Variants in PHF3 observed in about 807,000 individuals in gnomAD.
PHF3 encodes PHD finger protein 3.
Under a neutral mutation model 178.4 loss-of-function variants are expected in PHF3, and 41 were observed. The ratio of observed to expected loss-of-function variants is 0.23; its 90% CI spans 0.18 to 0.30. PHF3 has a LOEUF of 0.30. Among genes scored for constraint, PHF3 ranks in the 10% least tolerant of loss-of-function variants. The pLI, the probability that PHF3 is intolerant of heterozygous loss-of-function variation, is 1.00. For missense variants in PHF3, 2,346 were observed against 2,398.1 expected (o/e 0.98, Z 0.45); for synonymous variants, 842 against 800.5 (o/e 1.05, Z -0.88).
chr6:63,655,994 A>G (rs574795507), intron 2 of PHF3, among the ~76,000 whole-genome samples: 6 of 152,174 alleles, frequency 3.9e-5, no homozygotes, highest in Non-Finnish European at 8.8e-5. Flanking sequence ...ATATTTTTCC[A>G]TAGTCATTGC....
chr6:63,636,310 T>C (rs974125240), intron 1 of PHF3, among the ~76,000 whole-genome samples, 160 bp downstream of exon 1: 10 of 152,124 alleles, frequency 6.6e-5, no homozygotes, highest in African/African-American at 2.4e-4. Flanking sequence ...TCGGGCCTCT[T>C]GCGCAACGTC....
chr6:63,688,100 C>T (rs1438838032), intron 4 of PHF3, among the ~76,000 whole-genome samples: 5 of 149,010 alleles, frequency 3.4e-5, no homozygotes, highest in East Asian at 2.0e-4. Flanking sequence ...AGGGGAATGG[C>T]GCGTGAACCC....
At chr6:63,707,007 A>G in intron 13 of PHF3, 131 bp downstream of exon 13, 1 of 758,826 alleles carries the variant, frequency 1.3e-6, no homozygotes, top group South Asian at 2.0e-5. Context: ...AGTCCAAGTA[A>G]TATAATTATG....
intron 4 of PHF3, among the ~76,000 whole-genome samples, chr6:63,690,903 C>G (rs1224777966): frequency 1.3e-5 from 2 of 152,032 alleles, no homozygotes; most frequent in Admixed American, 1.3e-4. Flanking sequence ...CGTTTCACAT[C>G]CCTGGACTTT....
intron 2 of PHF3, among the ~76,000 whole-genome samples, chr6:63,655,787 G>T (rs1765207397): frequency 6.6e-6 from 1 of 152,048 alleles, no homozygotes; most frequent in Non-Finnish European, 1.5e-5. Context: ...ATAGACTGCT[G>T]TTCTATGTAG....
Position 63,685,225 on chromosome 6 carries a change from G to T in PHF3, c.1503G>T (p.Met501Ile). Residue 501 changes from methionine to isoleucine, a missense_variant, in exon 4 of 16, where the codon ATG becomes ATT. Coordinates refer to ENST00000262043, the MANE Select transcript of PHF3 (RefSeq NM_001370348.2). ...TKPVIHSKQN[M>I]TTDAPKKIVA... ...CTGTAATTCATTCTAAGCAAAACAT[G>T]ACCACAGATGCTCCGAAGAAAATTG... 1.2e-6 allele frequency: 2 copies of T among 1,613,796 alleles called. No individual in the cohort carries two copies. Among genetic ancestry groups the T allele is most frequent in the South Asian group, 2.2e-5 (2 of 91,022 alleles).
At chr6:63,696,062 C>G (rs1230167681) in intron 6 of PHF3, among the ~76,000 whole-genome samples, 1 of 152,158 alleles carries the variant, frequency 6.6e-6, no homozygotes, top group East Asian at 1.9e-4. Flanking sequence ...AACTTGAATG[C>G]TGGCATGATG....
intron 2 of PHF3, among the ~76,000 whole-genome samples, chr6:63,656,145 C>T (rs952986430): frequency 3.9e-5 from 6 of 152,316 alleles, no homozygotes; most frequent in African/African-American, 1.2e-4. Flanking sequence ...CGGAGCTTTC[C>T]AGTTGAAGTC....
intron 2 of PHF3, among the ~76,000 whole-genome samples, chr6:63,648,770 G>T (rs913859144): frequency 7.9e-5 from 12 of 151,990 alleles, no homozygotes; most frequent in Non-Finnish European, 1.8e-4. Context: ...TTAAAATTTG[G>T]TTACTAGAAT....
At position 63,718,454 on chromosome 6, in the gene PHF3, GATA is replaced by G. The variant is rs1222956339; in HGVS notation, c.*4749_*4751del. Among the ~76,000 whole-genome samples, 1 of 151,888 alleles carries G rather than the reference GATA, an allele frequency of 6.6e-6. No homozygotes were observed. The highest frequency in any genetic ancestry group is 1.5e-5 in the Non-Finnish European group (1 of 67,904). ...ATAAACGTTAAAAATATTTGTTAAT[GATA>G]ATCTCATCTGTTAATGTAACATTTA... On this transcript the variant is annotated 3_prime_UTR_variant, in exon 16 of 16. Transcript: ENST00000262043.
chr6:63,710,939 C>T (rs1021154196), intron 14 of PHF3, among the ~76,000 whole-genome samples: 6 of 152,056 alleles, frequency 3.9e-5, no homozygotes, highest in Non-Finnish European at 8.8e-5. Context: ...CTTATGTTTC[C>T]GTAAGAAATG....
rs1036027006 is a variant in PHF3, at chr6:63,684,053, A to G, written c.407-76A>G. Reference sequence around the variant, plus strand: ...ATAGCTCAGAATAAAGAAGTGATATATTCTAAATTGTATTGAAATAAAAGC... The same window carrying G: ...ATAGCTCAGAATAAAGAAGTGATATGTTCTAAATTGTATTGAAATAAAAGC... On this transcript the variant is annotated intron_variant, in intron 3 of 15. Transcript: ENST00000262043. 8.8e-6 allele frequency: 10 copies of G among 1,140,774 alleles called. No individual in the cohort carries two copies. In the Admixed American group the frequency reaches 1.4e-4, roughly 16 times the overall value. 70.7% of individuals were successfully genotyped at this position (1,140,774 alleles called of 1,614,324 possible).
intron 2 of PHF3, among the ~76,000 whole-genome samples, chr6:63,652,616 A>G (rs967962801): frequency 3.9e-5 from 6 of 152,144 alleles, no homozygotes; most frequent in Non-Finnish European, 7.4e-5. Flanking sequence ...GCACAGACCA[A>G]TGTCCTAAAG....
chr6:63,659,473 A>G (rs1765375464), intron 2 of PHF3, among the ~76,000 whole-genome samples: 1 of 152,210 alleles, frequency 6.6e-6, no homozygotes, highest in African/African-American at 2.4e-5. Context: ...GGGATTTTAT[A>G]TATAAAGGAA....
chr6:63,698,646 C>T lies in PHF3; in HGVS notation c.2982+41C>T, dbSNP rs748007879. The T allele has an allele frequency of 1.8e-5, 25 of 1,387,612 alleles. No homozygotes were observed. The East Asian group carries it at 3.7e-4, about 21-fold the overall frequency. The allele number at this position is 1,387,612 out of a possible 1,614,324, so 86.0% of individuals were successfully genotyped here. A position where few individuals can be genotyped will look rare whatever the true frequency, so the allele number is the denominator to read the frequency against. Reference sequence around the variant, plus strand: ...TCATATGTTTATGCTTCCAACTTTCCTGAGTACATAGGTATCTCAGATTGT... The same window carrying T: ...TCATATGTTTATGCTTCCAACTTTCTTGAGTACATAGGTATCTCAGATTGT... On this transcript the variant is annotated intron_variant, in intron 8 of 15. Transcript: ENST00000262043.
chr6:63,669,268 T>G (rs1582041205), intron 2 of PHF3, among the ~76,000 whole-genome samples: 1 of 152,214 alleles, frequency 6.6e-6, no homozygotes, highest in East Asian at 1.9e-4. Flanking sequence ...GTGAACATAA[T>G]TTAGCTTTTA....
Position 63,721,609 on chromosome 6 carries a change from C to T in PHF3, c.*7901C>T, listed in dbSNP as rs111991705. On this transcript the variant is annotated 3_prime_UTR_variant, in exon 16 of 16. Transcript: ENST00000262043. The stretch of plus-strand genomic sequence containing the variant: ...TCCAGAGAACTCATTTTAGTGGAGG[C>T]CTTTTCTGTTACATTTATCCCATCT... 2.5e-3 allele frequency: 3,860 copies of T among 1,551,202 alleles called. 64 individuals carry two copies. Among genetic ancestry groups the T allele is most frequent in the African/African-American group, 0.021 (1,514 of 73,112 alleles).
chr6:63,665,014 A>G (rs1185994516), intron 2 of PHF3, among the ~76,000 whole-genome samples: 1 of 152,170 alleles, frequency 6.6e-6, no homozygotes, highest in South Asian at 2.1e-4. Context: ...TTAAATAATT[A>G]TTACTATATG....
In PHF3 at chr6:63,685,417, T is replaced by A; in HGVS notation, c.1695T>A (p.Val565=). ...EPKIQSCNSG[V]KSVKNQAHSV... ...AGATTCAGAGTTGCAATTCTGGGGT[T>A]AAATCTGTGAAAAACCAAGCTCATT... The change falls in exon 4 of 16, where the codon GTT becomes GTA. Residue 565 remains valine, a synonymous_variant. Coordinates refer to ENST00000262043, the MANE Select transcript of PHF3 (RefSeq NM_001370348.2). The A allele has an allele frequency of 6.2e-7, 1 of 1,614,072 alleles. No individual in the cohort carries two copies. Among genetic ancestry groups the A allele is most frequent in the Non-Finnish European group, 8.5e-7 (1 of 1,180,000 alleles).
Sources: gnomAD v4.1 joint callset for allele counts (sites outside exome capture counted in the v4.1 genomes callset) on GRCh38, gnomAD v4.1.1 for gene constraint, MANE v1.5 for transcripts, NCBI Gene and HGNC (gene_info 2026-07-23, HGNC 2026-07-21) for gene names.